Variants in KCNMB3 observed in about 807,000 individuals in gnomAD.
KCNMB3 encodes the protein potassium calcium-activated channel subfamily M regulatory beta subunit 3.
In KCNMB3, 18 loss-of-function variants were observed where a neutral mutation model predicts 11.9. The observed-to-expected ratio is 1.51, with a 90% confidence interval of 1.04 to 2.23. KCNMB3 has a LOEUF of 2.23. Ranked by LOEUF, KCNMB3 falls within the 30% of genes most tolerant of loss-of-function variation. The probability of loss-of-function intolerance (pLI) is 0.00; values close to 1 mark genes in which losing one functional copy is unlikely to be tolerated. For synonymous variants in KCNMB3, 78 were observed against 119.2 expected (o/e 0.65, Z 2.25); for missense variants, 247 against 329.4 (o/e 0.75, Z 1.94).
chr3:179,258,978 A>G, intron 1 of KCNMB3: 5 of 1,614,086 alleles, frequency 3.1e-6, no homozygotes, highest in Non-Finnish European at 4.2e-6. Flanking sequence ...AGCCCCTCAC[A>G]CTCAGACTTC....
upstream of KCNMB3, chr3:179,266,984 TTC>T (rs10629420): frequency 5.3e-5 from 60 of 1,139,354 alleles, 1 homozygote; most frequent in South Asian, 1.2e-3. Flanking sequence ...CCGAAGCTGC[TTC>T]TCTCTCTTTG....
upstream of KCNMB3, among the ~76,000 whole-genome samples, chr3:179,253,633 C>T (rs1212627340): frequency 6.6e-6 from 1 of 152,066 alleles, no homozygotes; most frequent in African/African-American, 2.4e-5. Context: ...TGGTGAAACC[C>T]TGTCTCTCCT....
At position 179,262,210 on chromosome 3, in the gene KCNMB3, T is replaced by C. The variant is rs147665081; in HGVS notation, c.62+4439A>G. Among the ~76,000 whole-genome samples, 472 of 152,366 alleles carry C rather than the reference T, an allele frequency of 3.1e-3. 1 individual carries two copies. Among genetic ancestry groups the C allele is most frequent in the African/African-American group, 0.011 (440 of 41,586 alleles). ...TAAGTAAAGCAATTAACAAGTTTTA[T>C]CTAAATGATAAATATAGAATACTCA... On this transcript the variant is annotated intron_variant, in intron 1 of 3. Coordinates refer to the KCNMB3 transcript ENST00000349697.
At chr3:179,263,413 A>T (rs1034149258) in intron 1 of KCNMB3, among the ~76,000 whole-genome samples, 2 of 152,214 alleles carry the variant, frequency 1.3e-5, no homozygotes, top group Non-Finnish European at 2.9e-5. Context: ...CTGCAAGCTG[A>T]GGGAGCCGGC....
chr3:179,253,641 C>A (rs1183320), upstream of KCNMB3, among the ~76,000 whole-genome samples: 55,361 of 151,730 alleles, frequency 0.36, 11,439 homozygotes, highest in East Asian at 0.71. Flanking sequence ...CCCTGTCTCT[C>A]CTAAAAATAC....
At chr3:179,243,657 G>A (rs1170182053) in intron 2 of KCNMB3, among the ~76,000 whole-genome samples, 1 of 152,188 alleles carries the variant, frequency 6.6e-6, no homozygotes, top group Non-Finnish European at 1.5e-5. Context: ...TCAACGCTTA[G>A]TAATGCCTCT....
At chr3:179,254,476 G>A (rs1276910742), upstream of KCNMB3, among the ~76,000 whole-genome samples, 3 of 152,130 alleles carry the variant, frequency 2.0e-5, no homozygotes, top group African/African-American at 7.2e-5. Flanking sequence ...ATTTAAATAC[G>A]TATGTTCTCT....
At chr3:179,250,604 G>A (rs1321878428) in intron 1 of KCNMB3, 139 bp downstream of exon 1, 8 of 885,418 alleles carry the variant, frequency 9.0e-6, no homozygotes, top group East Asian at 2.5e-5. Flanking sequence ...GACAGCGGAA[G>A]AGGAATTGTA....
In KCNMB3 at chr3:179,259,294, G is replaced by A. The variant is rs969482172; in HGVS notation, c.62+7355C>T. The stretch of plus-strand genomic sequence containing the variant: ...CAGTGATCTGCATCTTCGCTCTCTG[G>A]TTCTTCAGGATTGCTTTAAGTGGCA... On this transcript the variant is annotated intron_variant, in intron 1 of 3. Coordinates refer to the KCNMB3 transcript ENST00000349697. The A allele has an allele frequency of 1.4e-5, 22 of 1,552,794 alleles. No homozygotes were observed. The African/African-American group carries it at 2.8e-4, about 19-fold the overall frequency.
downstream of KCNMB3, chr3:179,240,117 A>G: frequency 2.4e-6 from 3 of 1,247,740 alleles, no homozygotes; most frequent in Admixed American, 4.6e-5. Flanking sequence ...AACAATCCTT[A>G]GTGTACTACA....
In KCNMB3 at chr3:179,260,790, T is replaced by C. The variant is rs1726180952; in HGVS notation, c.62+5859A>G. On this transcript the variant is annotated intron_variant, in intron 1 of 3. Coordinates refer to the KCNMB3 transcript ENST00000349697. ...GCGTGTTTTTCCCTTTCAAATTATT[T>C]GTTTTTCTCTTCGTACTGCCGCCTA... 2.1e-6 allele frequency: 3 copies of C among 1,408,994 alleles called. No homozygotes were observed. In the South Asian group the frequency reaches 3.5e-5, roughly 16 times the overall value. The allele number at this position is 1,408,994 out of a possible 1,614,324, so 87.3% of individuals were successfully genotyped here. A position where few individuals can be genotyped will look rare whatever the true frequency, so the allele number is the denominator to read the frequency against.
upstream of KCNMB3, chr3:179,251,804 C>T (rs1022899470): frequency 5.5e-6 from 1 of 180,832 alleles, no homozygotes; most frequent in African/African-American, 2.4e-5. Context: ...CTGCAACCTC[C>T]TCCGCCTCCC....
chr3:179,249,374 A>ATCATGGCCAGGCATGGTGGC (rs1209078594), intron 1 of KCNMB3, among the ~76,000 whole-genome samples: 4 of 149,580 alleles, frequency 2.7e-5, no homozygotes, highest in African/African-American at 7.3e-5. Flanking sequence ...TATTAAGAAA[A>ATCATGGCCAGGCATGGTGGC]TCATGGCCAG....
upstream of KCNMB3, among the ~76,000 whole-genome samples, chr3:179,254,498 C>A (rs1725947887): frequency 6.6e-6 from 1 of 152,154 alleles, no homozygotes; most frequent in Non-Finnish European, 1.5e-5. Context: ...TAGGCACACA[C>A]ATTTAACTTA....
At chr3:179,246,935 G>A (rs1725662541) in intron 1 of KCNMB3, among the ~76,000 whole-genome samples, 1 of 152,110 alleles carries the variant, frequency 6.6e-6, no homozygotes, top group Non-Finnish European at 1.5e-5. Context: ...AATAGCATCG[G>A]GTGTGTATTT....
chr3:179,250,597 A>T, intron 1 of KCNMB3, 146 bp downstream of exon 1: 1 of 828,388 alleles, frequency 1.2e-6, no homozygotes, highest in Non-Finnish European at 1.9e-6. Flanking sequence ...CAGCACTGAC[A>T]GCGGAAGAGG....
At chr3:179,254,176 G>C (rs1725937326), upstream of KCNMB3, among the ~76,000 whole-genome samples, 1 of 152,168 alleles carries the variant, frequency 6.6e-6, no homozygotes, top group Non-Finnish European at 1.5e-5. Flanking sequence ...CTAGAGCTGG[G>C]ACCCCAAAGG....
At chr3:179,243,555 G>A (rs1389456522) in intron 2 of KCNMB3, among the ~76,000 whole-genome samples, 10 of 150,736 alleles carry the variant, frequency 6.6e-5, no homozygotes, top group Non-Finnish European at 1.2e-4. Context: ...TAAGGAATAT[G>A]ACTCCTCCCT....
At position 179,250,729 on chromosome 3, in the gene KCNMB3, CCT is replaced by C. The variant is rs780433979; in HGVS notation, c.248+12_248+13del. The C allele has an allele frequency of 5.0e-6, 8 of 1,613,260 alleles. No homozygotes were observed. The highest frequency in any genetic ancestry group is 1.1e-5 in the South Asian group (1 of 91,046). ...TGAATTGGAAACTCTAGATTTCCTT[CCT>C]CTGTTTCTTACCTGAGCATAAAAGG... On this transcript the variant is annotated intron_variant, in intron 1 of 2. Coordinates refer to ENST00000392685, the MANE Select transcript of KCNMB3 (RefSeq NM_171830.2).
Sources: gnomAD v4.1 joint callset for allele counts (sites outside exome capture counted in the v4.1 genomes callset) on GRCh38, gnomAD v4.1.1 for gene constraint, MANE v1.5 for transcripts, NCBI Gene and HGNC (gene_info 2026-07-23, HGNC 2026-07-21) for gene names.